CCDC71: variants seen among roughly 807,000 people sequenced by gnomAD.
CCDC71 encodes the protein coiled-coil domain-containing protein 71.
For missense variants in CCDC71, 594 were observed against 604.0 expected (o/e 0.98, Z 0.17); for synonymous variants, 257 against 242.2 (o/e 1.06, Z -0.57).
chr3:49,164,991 G>C (rs1306233948), intron 1 of CCDC71, among the ~76,000 whole-genome samples: 1 of 152,160 alleles, frequency 6.6e-6, no homozygotes, highest in Non-Finnish European at 1.5e-5. Flanking sequence ...GCTGGAGTGG[G>C]GTGGGGGAAT....
chr3:49,163,957 C>T lies in CCDC71; in HGVS notation c.252G>A (p.Thr84=), dbSNP rs1297452249. ...SSCTANPPSQ[T]KLQARAPNPT... ...GGTTAGGGGCACGAGCTTGCAGTTTCGTCTGGCTTGGGGGATTAGCTGTGC... is the reference window on the plus strand; with the variant it reads ...GGTTAGGGGCACGAGCTTGCAGTTTTGTCTGGCTTGGGGGATTAGCTGTGC... The change falls in exon 2 of 2, where the codon ACG becomes ACA. Residue 84 remains threonine, a synonymous_variant. Coordinates refer to ENST00000321895, the MANE Select transcript of CCDC71 (RefSeq NM_022903.4). The T allele has an allele frequency of 1.2e-6, 2 of 1,614,030 alleles. No homozygotes were observed. Among genetic ancestry groups the T allele is most frequent in the Non-Finnish European group, 1.7e-6 (2 of 1,180,038 alleles).
rs200371442 is a variant in CCDC71 at position 49,162,901 on chromosome 3, C to G, written c.1308G>C (p.Ser436=). 6.2e-7 allele frequency: 1 copy of G among 1,614,134 alleles called. No individual in the cohort carries two copies. Among genetic ancestry groups the G allele is most frequent in the Non-Finnish European group, 8.5e-7 (1 of 1,180,054 alleles). ...FRAIKVDRRS[S]DDEVRQRAQR... The stretch of plus-strand genomic sequence containing the variant: ...GAGCCCGCTGCCGCACCTCATCATC[C>G]GAGGACCGCCTATCTACCTTTATGG... The change falls in exon 2 of 2, where the codon TCG becomes TCC. Residue 436 remains serine, a synonymous_variant. Transcript: ENST00000321895.
Position 49,163,013 on chromosome 3 carries a change from A to T in CCDC71, c.1196T>A (p.Leu399His). Residue 399 changes from leucine to histidine, a missense_variant, in exon 2 of 2, where the codon CTT becomes CAT. Leu to His is a moderately conservative substitution (Grantham distance 99). Transcript: ENST00000321895. Reference sequence around the variant, plus strand: ...AAGCCGTGTTCTCTTCTTGGGAGGAAGATCTTTTGCCTCCTCAGCCCTTTT... The same window carrying T: ...AAGCCGTGTTCTCTTCTTGGGAGGATGATCTTTTGCCTCCTCAGCCCTTTT... Reference protein sequence around the residue: ...KRKRAEEAKDLPPKKRTRLGP... With the variant: ...KRKRAEEAKDHPPKKRTRLGP... The T allele has an allele frequency of 1.2e-6, 2 of 1,614,242 alleles. No individual in the cohort carries two copies. The highest frequency in any genetic ancestry group is 1.7e-6 in the Non-Finnish European group (2 of 1,180,032).
At chr3:49,165,701 T>C (rs2045719513) in intron 1 of CCDC71, among the ~76,000 whole-genome samples, 1 of 152,278 alleles carries the variant, frequency 6.6e-6, no homozygotes. Flanking sequence ...TAATGTTTTT[T>C]GAAGGGATGT....
In CCDC71 at chr3:49,163,688, C is replaced by T. The variant is rs368773577; in HGVS notation, c.521G>A (p.Arg174Gln). Residue 174 changes from arginine to glutamine, a missense_variant, in exon 2 of 2, where the codon CGG becomes CAG. Coordinates refer to ENST00000321895, the MANE Select transcript of CCDC71 (RefSeq NM_022903.4). ...CAGGGCCTCAAGGACAACAGAGAGCCGCATGGCAGGGTAGACACCTGGATA... is the reference window on the plus strand; with the variant it reads ...CAGGGCCTCAAGGACAACAGAGAGCTGCATGGCAGGGTAGACACCTGGATA... ...HLYPGVYPAM[R>Q]LSVVLEALVP... The T allele has an allele frequency of 1.8e-5, 29 of 1,613,970 alleles. No homozygotes were observed. Among genetic ancestry groups the T allele is most frequent in the South Asian group, 1.6e-4 (15 of 91,088 alleles).
rs552840556 is a variant in CCDC71 at position 49,163,407 on chromosome 3, G to T, written c.802C>A (p.Arg268=). The T allele has an allele frequency of 6.2e-7, 1 of 1,614,116 alleles. No individual in the cohort carries two copies. Among genetic ancestry groups the T allele is most frequent in the South Asian group, 1.1e-5 (1 of 91,092 alleles). The part of the protein sequence containing the change: ...TNRATGSPSV[R]RMKGGSALGT... ...AGGGCAGAGCCCCCTTTCATTCGCC[G>T]GACACTGGGGGACCCAGTGGCTCTG... The change falls in exon 2 of 2, where the codon CGG becomes AGG. Residue 268 remains arginine (R), a synonymous_variant. Coordinates refer to ENST00000321895, the MANE Select transcript of CCDC71 (RefSeq NM_022903.4).
Position 49,165,515 on chromosome 3 carries a change from T to A in CCDC71, c.-53+752A>T, listed in dbSNP as rs577428702. On this transcript the variant is annotated intron_variant, in intron 1 of 1. Coordinates refer to ENST00000321895, the MANE Select transcript of CCDC71 (RefSeq NM_022903.4). ...TCCCTCGGGCCATGAGGCCCGTCTG[T>A]GTAGTTTCTTCCCACCGCTCTAATG... 3.9e-5 allele frequency among the ~76,000 whole-genome samples: 6 copies of A among 152,338 alleles called. No homozygotes were observed. The East Asian group carries it at 1.2e-3, about 29-fold the overall frequency.
chr3:49,165,672 C>T (rs936186109), intron 1 of CCDC71, among the ~76,000 whole-genome samples: 2 of 152,294 alleles, frequency 1.3e-5, no homozygotes, highest in Admixed American at 1.3e-4. Context: ...AATCCTTGCA[C>T]ATGACTTTAG....
In CCDC71 at chr3:49,163,871, C is replaced by T. The variant is rs1198455947; in HGVS notation, c.338G>A (p.Arg113Gln). 7 of 1,613,998 alleles carry T rather than the reference C, an allele frequency of 4.3e-6. No individual in the cohort carries two copies. Among genetic ancestry groups the T allele is most frequent in the South Asian group, 2.2e-5 (2 of 91,084 alleles). Residue 113 changes from arginine to glutamine, a missense_variant, in exon 2 of 2, where the codon CGG (arginine) becomes CAG (glutamine). Arg to Gln is a conservative substitution (Grantham distance 43, BLOSUM62 1). Coordinates refer to ENST00000321895, the MANE Select transcript of CCDC71 (RefSeq NM_022903.4). ...PRTAMRLPAG[R>Q]ATLLPMPLSG... ...TAGCGGCATGGGAAGCAGTGTGGCC[C>T]GACCTGCAGGCAACCGCATGGCAGT...
At position 49,162,726 on chromosome 3, in the gene CCDC71, T is replaced by G; in HGVS notation, c.*79A>C. 1 of 1,371,922 alleles carries G rather than the reference T, an allele frequency of 7.3e-7. No homozygotes were observed. The highest frequency in any genetic ancestry group is 9.7e-7 in the Non-Finnish European group (1 of 1,026,616). 85.0% of individuals were successfully genotyped at this position (1,371,922 alleles called of 1,614,324 possible). A position where few individuals can be genotyped will look rare whatever the true frequency, so the allele number is the denominator to read the frequency against. On this transcript the variant is annotated 3_prime_UTR_variant, in exon 2 of 2. Coordinates refer to ENST00000321895, the MANE Select transcript of CCDC71 (RefSeq NM_022903.4). ...ACCGGGAGTCCTCAAGATTGTGGAGTCCACGGACATAGCACACTGTGCCAC... is the reference window on the plus strand; with the variant it reads ...ACCGGGAGTCCTCAAGATTGTGGAGGCCACGGACATAGCACACTGTGCCAC...
rs1295303891 is a variant in CCDC71 at position 49,163,086 on chromosome 3, T to C, written c.1123A>G (p.Thr375Ala). The C allele has an allele frequency of 1.2e-6, 2 of 1,614,264 alleles. No homozygotes were observed. Among genetic ancestry groups the C allele is most frequent in the Non-Finnish European group, 1.7e-6 (2 of 1,180,040 alleles). Residue 375 changes from threonine (T) to alanine (A), a missense_variant, in exon 2 of 2, where the codon ACA becomes GCA. Physicochemically the swap from Thr to Ala is moderately conservative, Grantham distance 58. Transcript: ENST00000321895. Reference protein sequence around the residue: ...RPKGSAKARTTRKGQKNRPET... With the variant: ...RPKGSAKARTARKGQKNRPET... ...GGGCGGTTTTTCTGGCCCTTCCTTG[T>C]AGTTCTGGCCTTAGCAGATCCCTTT...
At chr3:49,165,486 C>G (rs1218467366) in intron 1 of CCDC71, among the ~76,000 whole-genome samples, 2 of 152,378 alleles carry the variant, frequency 1.3e-5, no homozygotes, top group African/African-American at 4.8e-5. Flanking sequence ...CAGGATCAGG[C>G]AGGTCCCTCG....
chr3:49,163,135 G>C lies in CCDC71; in HGVS notation c.1074C>G (p.Thr358=). ...AVRAKAKVAR[T]QPRGRGRPKG... ...TTGGCCTGCCTCTGCCCCTGGGCTG[G>C]GTCCGAGCCACCTTGGCCTTGGCCC... The change falls in exon 2 of 2, where the codon ACC becomes ACG. Residue 358 remains threonine (T), a synonymous_variant. Transcript: ENST00000321895. 1 of 1,614,204 alleles carries C rather than the reference G, an allele frequency of 6.2e-7. No homozygotes were observed. The highest frequency in any genetic ancestry group is 1.1e-5 in the South Asian group (1 of 91,088).
At chr3:49,164,299 T>A in intron 1 of CCDC71, 39 bp from the exon 2 acceptor site, 1 of 1,271,280 alleles carries the variant, frequency 7.9e-7, no homozygotes, top group African/African-American at 1.5e-5. Flanking sequence ...AGAATGGCAC[T>A]AAGACAAGGG....
rs779127261 is a variant in CCDC71 at position 49,163,198 on chromosome 3, T to G, written c.1011A>C (p.Ala337=). 6.4e-7 allele frequency: 1 copy of G among 1,572,384 alleles called. No homozygotes were observed. Among genetic ancestry groups the G allele is most frequent in the Non-Finnish European group, 8.7e-7 (1 of 1,149,850 alleles). The stretch of plus-strand genomic sequence containing the variant: ...CTTTAGCCTTGGCCTTGGCCCATGC[T>G]GCCATGACTTTGGCCTTGGCCTTGA... ...AQVKAKAKVM[A]AWAKAKAKAK... is the part of the protein sequence containing the mutation. The change falls in exon 2 of 2, where the codon GCA becomes GCC. Residue 337 remains alanine, a synonymous_variant. Coordinates refer to ENST00000321895, the MANE Select transcript of CCDC71 (RefSeq NM_022903.4).
In CCDC71 at chr3:49,163,031, G is replaced by C. The variant is rs1040202429; in HGVS notation, c.1178C>G (p.Ala393Gly). 9 of 1,614,152 alleles carry C rather than the reference G, an allele frequency of 5.6e-6. No homozygotes were observed. Among genetic ancestry groups the C allele is most frequent in the Non-Finnish European group, 7.6e-6 (9 of 1,180,058 alleles). ...PETVGQKRKR[A>G]EEAKDLPPKK... ...GGGAGGAAGATCTTTTGCCTCCTCA[G>C]CCCTTTTCCTCTTCTGCCCAACAGT... Residue 393 changes from alanine to glycine, a missense_variant, in exon 2 of 2, where the codon GCT (alanine) becomes GGT (glycine). Physicochemically the swap from Ala to Gly is moderately conservative, Grantham distance 60 (BLOSUM62 0). Coordinates refer to ENST00000321895, the MANE Select transcript of CCDC71 (RefSeq NM_022903.4).
At position 49,162,735 on chromosome 3, in the gene CCDC71, A is replaced by G. The variant is rs1184827533; in HGVS notation, c.*70T>C. On this transcript the variant is annotated 3_prime_UTR_variant, in exon 2 of 2. Coordinates refer to ENST00000321895, the MANE Select transcript of CCDC71 (RefSeq NM_022903.4). ...CCTCAAGATTGTGGAGTCCACGGAC[A>G]TAGCACACTGTGCCACTAGCCACAC... 6.7e-7 allele frequency: 1 copy of G among 1,488,542 alleles called. No individual in the cohort carries two copies. Among genetic ancestry groups the G allele is most frequent in the Admixed American group, 1.9e-5 (1 of 52,568 alleles). 92.2% of individuals were successfully genotyped at this position (1,488,542 alleles called of 1,614,324 possible).
Position 49,162,573 on chromosome 3 carries a change from T to G in CCDC71, c.*232A>C. The stretch of plus-strand genomic sequence containing the variant: ...AACGTGATAGATGGAACAGTAGACA[T>G]ACAACTTGAATAACAAGTCACAGTG... On this transcript the variant is annotated 3_prime_UTR_variant, in exon 2 of 2. Transcript: ENST00000321895. 1.7e-6 allele frequency: 1 copy of G among 589,680 alleles called. No individual in the cohort carries two copies. The highest frequency in any genetic ancestry group is 3.0e-6 in the Non-Finnish European group (1 of 331,268). The allele number at this position is 589,680 out of a possible 1,614,324, so 36.5% of individuals were successfully genotyped here.
chr3:49,163,308 G>A lies in CCDC71; in HGVS notation c.901C>T (p.Arg301Ter). The A allele has an allele frequency of 1.2e-6, 2 of 1,613,892 alleles. No individual in the cohort carries two copies. The highest frequency in any genetic ancestry group is 1.7e-6 in the Non-Finnish European group (2 of 1,180,030). Reference sequence around the variant, plus strand: ...GCCTTAGCAGCCTTGGCCTGTGTTCGAGCCACCTTGGCTTGGGCACGAGCA... The same window carrying A: ...GCCTTAGCAGCCTTGGCCTGTGTTCAAGCCACCTTGGCTTGGGCACGAGCA... ...KAARAQAKVA[R>*]TQAKAAKARA... The change falls in exon 2 of 2, where the codon CGA becomes TGA. Residue 301 changes from arginine (R) to a stop codon, truncating the protein, a stop_gained. Transcript: ENST00000321895. LOFTEE classifies it low-confidence loss of function (END_TRUNC).
Sources: gnomAD v4.1 joint callset for allele counts (sites outside exome capture counted in the v4.1 genomes callset) on GRCh38, gnomAD v4.1.1 for gene constraint, MANE v1.5 for transcripts, NCBI Gene and HGNC (gene_info 2026-07-23, HGNC 2026-07-21) for gene names.